Variants in KLF12 observed in about 807,000 individuals in gnomAD.
KLF12 encodes KLF transcription factor 12, also known as Krueppel-like factor 12.
In KLF12, 9 loss-of-function variants were observed where a neutral mutation model predicts 37.8. The observed-to-expected ratio is 0.24, with a 90% CI of 0.14 to 0.42. KLF12 has a LOEUF of 0.42. Among genes scored for constraint, KLF12 ranks in the 10% least tolerant of loss-of-function variants. The probability of loss-of-function intolerance (pLI) is 1.00; values close to 1 mark genes in which losing one functional copy is unlikely to be tolerated. For synonymous variants in KLF12, 208 were observed against 202.1 expected (o/e 1.03, Z -0.25); for missense variants, 411 against 516.0 (o/e 0.80, Z 1.97).
Position 73,848,360 on chromosome 13 carries a change from C to T in KLF12, c.124-1987G>A, listed in dbSNP as rs540674412. ...CTGTAAGGAGATTGCTTGTGAGGCA[C>T]CAAGTTTTACTGAGCTTTGCAGACT... On this transcript the variant is annotated intron_variant, in intron 3 of 7. Transcript: ENST00000377669. Among the ~76,000 whole-genome samples, 5 of 152,088 alleles carry T rather than the reference C, an allele frequency of 3.3e-5. No homozygotes were observed. The South Asian group carries it at 1.0e-3, about 32-fold the overall frequency.
Position 74,109,198 on chromosome 13 carries a change from G to A in KLF12, c.-32+24541C>T, listed in dbSNP as rs148287053. Among the ~76,000 whole-genome samples the A allele has an allele frequency of 1.5e-3, 226 of 151,972 alleles. 2 individuals are homozygous for A. The East Asian group carries it at 0.028, about 19-fold the overall frequency. ...TATAAAAATACAAATATGAAATTAAGAATCACTTTTAACTACCACATGGAA... is the reference window on the plus strand; with the variant it reads ...TATAAAAATACAAATATGAAATTAAAAATCACTTTTAACTACCACATGGAA... On this transcript the variant is annotated intron_variant, in intron 1 of 7. Transcript: ENST00000377669.
the KLF12 span, among the ~76,000 whole-genome samples, chr13:74,286,002 T>C: frequency 6.6e-6 from 1 of 151,966 alleles, no homozygotes; most frequent in Non-Finnish European, 1.5e-5. Flanking sequence ...GCACAAGAAA[T>C]CCTCCCATAC....
chr13:74,159,239 T>C, the KLF12 span, among the ~76,000 whole-genome samples: 1 of 152,120 alleles, frequency 6.6e-6, no homozygotes, highest in Non-Finnish European at 1.5e-5. Context: ...GGGGACACCC[T>C]TCAGAAAAGG....
At chr13:74,072,178 C>T (rs1369607610) in intron 1 of KLF12, among the ~76,000 whole-genome samples, 1 of 151,774 alleles carries the variant, frequency 6.6e-6, no homozygotes, top group South Asian at 2.1e-4. Context: ...ACCTTTATTA[C>T]AACTCAAGTG....
At chr13:73,715,018 G>C (rs1187783383) in intron 7 of KLF12, among the ~76,000 whole-genome samples, 1 of 152,124 alleles carries the variant, frequency 6.6e-6, no homozygotes, top group Non-Finnish European at 1.5e-5. Flanking sequence ...CTAAAGGAAT[G>C]GATAAAATAC....
intron 1 of KLF12, among the ~76,000 whole-genome samples, chr13:74,036,616 G>C (rs1276889635): frequency 6.6e-6 from 1 of 152,170 alleles, no homozygotes; most frequent in Non-Finnish European, 1.5e-5. Flanking sequence ...TTGCAAAACA[G>C]GTTTTTCTTG....
chr13:74,178,140 G>A, the KLF12 span, among the ~76,000 whole-genome samples: 2 of 152,130 alleles, frequency 1.3e-5, no homozygotes, highest in Non-Finnish European at 2.9e-5. Context: ...TTGCCTTATG[G>A]TCATCAGCCA....
At chr13:73,905,394 G>A (rs1888232963) in intron 3 of KLF12, among the ~76,000 whole-genome samples, 1 of 149,984 alleles carries the variant, frequency 6.7e-6, no homozygotes, top group South Asian at 2.1e-4. Flanking sequence ...GATAATCACT[G>A]CTAAATTAAT....
chr13:74,035,862 T>C (rs867190659), intron 1 of KLF12, among the ~76,000 whole-genome samples: 1 of 152,318 alleles, frequency 6.6e-6, no homozygotes, highest in Middle Eastern at 3.4e-3. Context: ...CTCTATAGGA[T>C]TTTGCAATTT....
chr13:73,934,361 T>C (rs1278284658), intron 3 of KLF12, among the ~76,000 whole-genome samples: 1 of 152,228 alleles, frequency 6.6e-6, no homozygotes, highest in African/African-American at 2.4e-5. Context: ...CCCTGTCCTG[T>C]GCTGTCGTTA....
At chr13:73,936,136 A>C (rs1889913317) in intron 3 of KLF12, among the ~76,000 whole-genome samples, 1 of 152,020 alleles carries the variant, frequency 6.6e-6, no homozygotes, top group African/African-American at 2.4e-5. Context: ...TATAAGTTCT[A>C]TTTTCCTGCT....
chr13:73,826,268 T>C (rs557225663), intron 4 of KLF12, among the ~76,000 whole-genome samples: 6 of 152,152 alleles, frequency 3.9e-5, no homozygotes, highest in Non-Finnish European at 5.9e-5. Context: ...CCACCACGCC[T>C]GGCCCTTCAG....
intron 3 of KLF12, among the ~76,000 whole-genome samples, chr13:73,874,155 C>T (rs1032555025): frequency 7.2e-5 from 11 of 152,158 alleles, no homozygotes; most frequent in African/African-American, 2.7e-4. Context: ...CAGAGCTTTG[C>T]TCATACTGTG....
Position 74,133,833 on chromosome 13 carries a change from GCACA to G in KLF12, c.-130_-127del, listed in dbSNP as rs36102647. 0.016 allele frequency among the ~76,000 whole-genome samples: 2,368 copies of G among 150,598 alleles called. 41 individuals carry two copies. Among genetic ancestry groups the G allele is most frequent in the Middle Eastern group, 0.034 (10 of 294 alleles). On this transcript the variant is annotated 5_prime_UTR_variant, in exon 1 of 8. Coordinates refer to ENST00000377669, the MANE Select transcript of KLF12 (RefSeq NM_007249.5). The stretch of plus-strand genomic sequence containing the variant: ...CTTTCTCTCTCTCACACGCGCGCGC[GCACA>G]CACACACACACACTCGCACACACAC...
intron 2 of KLF12, among the ~76,000 whole-genome samples, chr13:73,983,360 C>T (rs1411958969): frequency 2.6e-5 from 4 of 152,192 alleles, no homozygotes; most frequent in South Asian, 2.1e-4. Flanking sequence ...GATGTCAGCA[C>T]GGACCTTTCA....
intron 6 of KLF12, among the ~76,000 whole-genome samples, chr13:73,734,888 ACTGT>A (rs1877336482): frequency 6.6e-6 from 1 of 152,086 alleles, no homozygotes; most frequent in South Asian, 2.1e-4. Context: ...CCAATCAGGC[ACTGT>A]CTGACTCCAA....
At chr13:73,741,265 T>C (rs1877957531) in intron 6 of KLF12, among the ~76,000 whole-genome samples, 1 of 152,106 alleles carries the variant, frequency 6.6e-6, no homozygotes, top group Non-Finnish European at 1.5e-5. Context: ...AAAGCTCACA[T>C]AAGCTCTGCC....
Position 74,034,720 on chromosome 13 carries a change from C to T in KLF12, c.-31-39667G>A, listed in dbSNP as rs193112643. ...TATGAAGCAAAGTATTAGGGAGATA[C>T]ATCTGAAATCTTAGAGCATTATTTC... On this transcript the variant is annotated intron_variant, in intron 1 of 7. Transcript: ENST00000377669. 6.6e-5 allele frequency among the ~76,000 whole-genome samples: 10 copies of T among 152,284 alleles called. No homozygotes were observed. The East Asian group carries it at 1.9e-3, about 29-fold the overall frequency.
chr13:73,781,353 T>A (rs1880954052), intron 5 of KLF12, among the ~76,000 whole-genome samples: 1 of 152,228 alleles, frequency 6.6e-6, no homozygotes, highest in African/African-American at 2.4e-5. Flanking sequence ...TGCAGTGGTC[T>A]AGAACTGAAC....
Sources: allele counts gnomAD v4.1 joint callset (sites outside exome capture counted in the v4.1 genomes callset), GRCh38; gene constraint gnomAD v4.1.1; transcripts MANE v1.5; gene names NCBI Gene and HGNC (gene_info 2026-07-23, HGNC 2026-07-21).